The following KPNA6 variants were observed in gnomAD, a reference collection of about 807,000 sequenced individuals.
KPNA6 encodes the protein karyopherin subunit alpha 6.
Under a neutral mutation model 72.0 loss-of-function variants are expected in KPNA6, and 9 were observed. The ratio of observed to expected loss-of-function variants is 0.13; its 90% confidence interval spans 0.08 to 0.22. The LOEUF (loss-of-function observed/expected upper bound fraction) is 0.22, where lower values mean the gene tolerates loss of function less well. Among genes scored for constraint, KPNA6 ranks in the 10% least tolerant of loss-of-function variants. The probability of loss-of-function intolerance (pLI) is 1.00; values close to 1 mark genes in which losing one functional copy is unlikely to be tolerated. For missense variants in KPNA6, 374 were observed against 655.7 expected, an observed-to-expected ratio of 0.57 and a Z score of 4.69; for synonymous variants, 219 against 242.1, an observed-to-expected ratio of 0.90 and a Z score of 0.89.
chr1:32,157,924 A>T lies in KPNA6; in HGVS notation c.332-343A>T, dbSNP rs1642172725. 2.0e-5 allele frequency among the ~76,000 whole-genome samples: 3 copies of T among 152,340 alleles called. No individual in the cohort carries two copies. In the South Asian group the frequency reaches 6.2e-4, roughly 32 times the overall value. ...TACCTCTTGTTTCAGTATATCAAAT[A>T]GTCTTCCCAAGAAGAGAGTACTGGT... On this transcript the variant is annotated intron_variant, in intron 4 of 13. Coordinates refer to ENST00000373625, the MANE Select transcript of KPNA6 (RefSeq NM_012316.5).
At chr1:32,153,612 C>T (rs1321809115) in intron 1 of KPNA6, among the ~76,000 whole-genome samples, 2 of 144,874 alleles carry the variant, frequency 1.4e-5, no homozygotes, top group East Asian at 2.0e-4. Flanking sequence ...TTTAAAAATA[C>T]AGAAACAAAC....
intron 3 of KPNA6, 77 bp downstream of exon 3, chr1:32,157,022 A>G (rs1233574097): frequency 2.9e-6 from 3 of 1,030,914 alleles, no homozygotes; most frequent in Non-Finnish European, 4.5e-6. Flanking sequence ...CGTTCACATC[A>G]TCTACCAGCT....
intron 10 of KPNA6, among the ~76,000 whole-genome samples, chr1:32,164,492 C>G (rs549282214): frequency 6.6e-6 from 1 of 152,104 alleles, no homozygotes; most frequent in South Asian, 2.1e-4. Flanking sequence ...TACATTCCCA[C>G]CAACAATGCA....
chr1:32,164,394 A>G (rs1267383539), intron 10 of KPNA6, among the ~76,000 whole-genome samples: 1 of 152,242 alleles, frequency 6.6e-6, no homozygotes, highest in African/African-American at 2.4e-5. Context: ...GTATATACCC[A>G]GAGTGGAATT....
Position 32,135,337 on chromosome 1 carries a change from G to T in KPNA6, c.5-19251G>T, listed in dbSNP as rs547904296. ...CCCCCTCAGCCTCCCAAAGTTCTGG[G>T]ATTACATGTGTGAGCCACCGCGCCT... On this transcript the variant is annotated intron_variant, in intron 1 of 13. Coordinates refer to ENST00000373625, the MANE Select transcript of KPNA6 (RefSeq NM_012316.5). Among the ~76,000 whole-genome samples, 19 of 152,006 alleles carry T rather than the reference G, an allele frequency of 1.2e-4. 1 individual carries two copies. Among genetic ancestry groups the T allele is most frequent in the African/African-American group, 3.9e-4 (16 of 41,462 alleles).
Position 32,147,676 on chromosome 1 carries a change from T to C in KPNA6, c.5-6912T>C, listed in dbSNP as rs867090474. On this transcript the variant is annotated intron_variant, in intron 1 of 13. Coordinates refer to ENST00000373625, the MANE Select transcript of KPNA6 (RefSeq NM_012316.5). The stretch of plus-strand genomic sequence containing the variant: ...TTTTTTTTTTTTTTTTTTTTTTTTT[T>C]TGAGACAGGGTCTTGCCCTGTTGCC... Among the ~76,000 whole-genome samples the C allele has an allele frequency of 8.2e-3, 1,127 of 136,992 alleles. 15 individuals carry two copies. Among genetic ancestry groups the C allele is most frequent in the African/African-American group, 0.03 (1,039 of 34,430 alleles). 89.9% of individuals were successfully genotyped at this position (136,992 alleles called of 152,430 possible). A position where few individuals can be genotyped will look rare whatever the true frequency, so the allele number is the denominator to read the frequency against.
rs1553127101 is a variant in KPNA6 at position 32,128,387 on chromosome 1, T to TAA, written c.4+20253_4+20254insAA. Reference sequence around the variant, plus strand: ...TATATTTTTTATATTATATATGTATTTATATATATATATATATATATATAT... The same window carrying TAA: ...TATATTTTTTATATTATATATGTATTAATATATATATATATATATATATATAT... On this transcript the variant is annotated intron_variant, in intron 1 of 13. Transcript: ENST00000373625. Among the ~76,000 whole-genome samples, 59 of 72,170 alleles carry TAA rather than the reference T, an allele frequency of 8.2e-4. 1 individual carries two copies. Among genetic ancestry groups the TAA allele is most frequent in the South Asian group, 1.5e-3 (3 of 2,060 alleles). The allele number at this position is 72,170 out of a possible 152,430, so 47.3% of individuals were successfully genotyped here. A position where few individuals can be genotyped will look rare whatever the true frequency, so the allele number is the denominator to read the frequency against.
At chr1:32,133,090 T>A (rs1641669665) in intron 1 of KPNA6, among the ~76,000 whole-genome samples, 1 of 152,022 alleles carries the variant, frequency 6.6e-6, no homozygotes, top group South Asian at 2.1e-4. Context: ...ACACCTGTAA[T>A]CCCAGCACTC....
intron 1 of KPNA6, among the ~76,000 whole-genome samples, chr1:32,110,056 A>ATT (rs750004100): frequency 0.059 from 6,964 of 118,210 alleles, 348 homozygotes; most frequent in South Asian, 0.2. Flanking sequence ...CTGGAATTGA[A>ATT]TTTTTTTTTT....
chr1:32,152,024 CA>C (rs1291667983), intron 1 of KPNA6, among the ~76,000 whole-genome samples: 3 of 152,130 alleles, frequency 2.0e-5, no homozygotes, highest in Non-Finnish European at 4.4e-5. Context: ...TGAAGTGAAA[CA>C]TTAATAGAAG....
intron 1 of KPNA6, among the ~76,000 whole-genome samples, chr1:32,119,110 A>T (rs1390893567): frequency 6.9e-6 from 1 of 144,294 alleles, no homozygotes; most frequent in East Asian, 2.1e-4. Context: ...AGCTCACTGC[A>T]ACCTCCACCT....
chr1:32,154,487 C>G (rs1021577434), intron 1 of KPNA6, 101 bp from the exon 2 acceptor site: 14 of 1,301,300 alleles, frequency 1.1e-5, no homozygotes, highest in East Asian at 2.4e-5. Flanking sequence ...TGTATTCCCC[C>G]CAGAGTAGGG....
chr1:32,134,057 A>G (rs532923285), intron 1 of KPNA6, among the ~76,000 whole-genome samples: 111 of 152,224 alleles, frequency 7.3e-4, no homozygotes, highest in Admixed American at 1.4e-3. Context: ...AGCCTGGCCA[A>G]CATGGTGAAA....
At chr1:32,125,404 A>G (rs961090707) in intron 1 of KPNA6, among the ~76,000 whole-genome samples, 2 of 152,250 alleles carry the variant, frequency 1.3e-5, no homozygotes, top group African/African-American at 4.8e-5. Flanking sequence ...AGGATAAAAC[A>G]TAAATAACAT....
At chr1:32,116,528 C>T (rs889957953) in intron 1 of KPNA6, among the ~76,000 whole-genome samples, 2 of 152,054 alleles carry the variant, frequency 1.3e-5, no homozygotes, top group Non-Finnish European at 2.9e-5. Flanking sequence ...TGTGGTGGCA[C>T]ATGCCTGCAA....
chr1:32,134,114 A>G (rs1247965404), intron 1 of KPNA6, among the ~76,000 whole-genome samples: 1 of 151,370 alleles, frequency 6.6e-6, no homozygotes, highest in East Asian at 1.9e-4. Context: ...TTGTATTTAA[A>G]AAATGGGTGG....
intron 2 of KPNA6, among the ~76,000 whole-genome samples, chr1:32,155,610 C>T (rs1172992619): frequency 6.6e-6 from 1 of 152,050 alleles, no homozygotes; most frequent in African/African-American, 2.4e-5. Context: ...GGATTACAGG[C>T]GTAAGCCACC....
intron 1 of KPNA6, among the ~76,000 whole-genome samples, chr1:32,139,665 G>C (rs1210734898): frequency 6.6e-6 from 1 of 152,176 alleles, no homozygotes; most frequent in Non-Finnish European, 1.5e-5. Context: ...TAAAAGGGTT[G>C]GGGGAGAGGA....
intron 1 of KPNA6, among the ~76,000 whole-genome samples, chr1:32,133,649 A>G (rs1557465764): frequency 6.6e-6 from 1 of 152,056 alleles, no homozygotes; most frequent in Non-Finnish European, 1.5e-5. Flanking sequence ...GCACTACTGC[A>G]TTCCAGCCTG....
Sources: gnomAD v4.1 joint callset for allele counts (sites outside exome capture counted in the v4.1 genomes callset) on GRCh38, gnomAD v4.1.1 for gene constraint, MANE v1.5 for transcripts, NCBI Gene and HGNC (gene_info 2026-07-23, HGNC 2026-07-21) for gene names.